MAPDA: variants seen among roughly 807,000 people sequenced by gnomAD.
The protein encoded by MAPDA is N6-Methyl-AMP deaminase.
chr15:43,346,956 C>T, the MAPDA span: 20 of 1,286,348 alleles, frequency 1.6e-5, no homozygotes, highest in East Asian at 4.6e-4. Flanking sequence ...GAATGGAGTA[C>T]TCAGTTCCTC....
At chr15:43,352,103 G>A in the MAPDA span, 16 of 630,170 alleles carry the variant, frequency 2.5e-5, no homozygotes, top group Admixed American at 3.5e-5. Flanking sequence ...CAGTAAATAC[G>A]TGTCTTCAAC....
At chr15:43,330,571 G>C in the MAPDA span, 2 of 1,451,504 alleles carry the variant, frequency 1.4e-6, no homozygotes, top group Non-Finnish European at 1.8e-6. Flanking sequence ...GACCTCGGTA[G>C]GGGGAAAAAA....
chr15:43,337,275 C>CAAAAAA, the MAPDA span, among the ~76,000 whole-genome samples: 3 of 61,930 alleles, frequency 4.8e-5, no homozygotes, highest in Non-Finnish European at 3.2e-5. Context: ...GACTCCGTCT[C>CAAAAAA]AAAAAAAAAA....
At chr15:43,333,415 CAAAA>C in the MAPDA span, 2 of 136,674 alleles carry the variant, frequency 1.5e-5, no homozygotes, top group East Asian at 2.1e-4. Context: ...GATCCTGTCT[CAAAA>C]GAAAAAAAAA....
the MAPDA span, chr15:43,349,251 T>C: frequency 1.6e-6 from 2 of 1,288,926 alleles, no homozygotes; most frequent in African/African-American, 3.0e-5. Context: ...GCAGGGCCCC[T>C]GCTTGTCTTA....
chr15:43,334,633 T>TTATTTATA, the MAPDA span, among the ~76,000 whole-genome samples: 1 of 65,142 alleles, frequency 1.5e-5, no homozygotes, highest in Non-Finnish European at 4.7e-5. Context: ...CTCAAAAAAA[T>TTATTTATA]TATATATATA....
At chr15:43,352,455 A>T in the MAPDA span, 1 of 152,256 alleles carries the variant, frequency 6.6e-6, no homozygotes, top group Admixed American at 6.5e-5. Context: ...GCACTTTGGG[A>T]AGCCAAAGTG....
the MAPDA span, chr15:43,353,443 T>G: frequency 2.0e-5 from 3 of 152,224 alleles, no homozygotes; most frequent in Admixed American, 6.5e-5. Flanking sequence ...TTTCTGTCTT[T>G]CTGTGATATC....
At chr15:43,335,311 G>C in the MAPDA span, 1 of 781,314 alleles carries the variant, frequency 1.3e-6, no homozygotes. Context: ...AAGGCGGGTG[G>C]ATTCACCTGA....
At chr15:43,342,881 T>C in the MAPDA span, 1 of 739,054 alleles carries the variant, frequency 1.4e-6, no homozygotes, top group East Asian at 3.0e-5. Flanking sequence ...TCTTTAACTA[T>C]GCCCTTGTCA....
the MAPDA span, among the ~76,000 whole-genome samples, chr15:43,339,024 G>T: frequency 6.6e-6 from 1 of 152,070 alleles, no homozygotes. Flanking sequence ...TGTGAGCTGG[G>T]GTAGCTGAGT....
the MAPDA span, chr15:43,349,200 CAG>C: frequency 2.1e-6 from 3 of 1,432,466 alleles, no homozygotes; most frequent in Admixed American, 9.2e-5. Flanking sequence ...TTATTTAAAA[CAG>C]AAAGCTTTAG....
chr15:43,335,825 G>A, the MAPDA span: 28 of 1,612,418 alleles, frequency 1.7e-5, no homozygotes, highest in African/African-American at 4.0e-5. Flanking sequence ...AACTTTGGAA[G>A]AGTAAGTGTG....
At chr15:43,350,374 G>A in the MAPDA span, among the ~76,000 whole-genome samples, 9 of 151,870 alleles carry the variant, frequency 5.9e-5, no homozygotes, top group South Asian at 1.5e-3. Context: ...CACCATGCCC[G>A]GCCAATAGTA....
the MAPDA span, chr15:43,331,892 G>C: frequency 6.6e-6 from 1 of 152,162 alleles, no homozygotes; most frequent in Non-Finnish European, 1.5e-5. Flanking sequence ...CTTTTGTTTT[G>C]TTTTCAGGTG....
chr15:43,335,061 T>G, the MAPDA span: 1 of 1,574,520 alleles, frequency 6.4e-7, no homozygotes, highest in Non-Finnish European at 8.7e-7. Flanking sequence ...ATCATATTGC[T>G]CATACTAAGA....
chr15:43,351,472 G>T, the MAPDA span: 1 of 418,008 alleles, frequency 2.4e-6, no homozygotes, highest in Non-Finnish European at 4.2e-6. Flanking sequence ...ATGAGATTCT[G>T]TTTTATTTGA....
chr15:43,342,791 A>T, the MAPDA span, among the ~76,000 whole-genome samples: 4 of 151,964 alleles, frequency 2.6e-5, no homozygotes, highest in Admixed American at 1.3e-4. Flanking sequence ...CATTTCTCTA[A>T]CACTTCATTT....
At chr15:43,349,107 G>A in the MAPDA span, 3 of 1,611,288 alleles carry the variant, frequency 1.9e-6, no homozygotes, top group African/African-American at 1.3e-5. Flanking sequence ...TCCCCAGGTT[G>A]CCTGGGGATT....
Sources: gnomAD v4.1 joint callset for allele counts (sites outside exome capture counted in the v4.1 genomes callset) on GRCh38, gnomAD v4.1.1 for gene constraint, MANE v1.5 for transcripts, NCBI Gene and HGNC (gene_info 2026-07-23, HGNC 2026-07-21) for gene names.